The following LCORL variants were observed in gnomAD, a reference collection of about 807,000 sequenced individuals.
LCORL encodes the protein ligand-dependent nuclear receptor corepressor-like protein.
Under a neutral mutation model 141.8 loss-of-function variants are expected in LCORL, and 41 were observed. The observed-to-expected ratio is 0.29, with a 90% CI of 0.23 to 0.38. LCORL has a LOEUF of 0.38. Ranked by LOEUF, LCORL falls within the 10% of genes least tolerant of loss-of-function variation. LCORL has a pLI of 1.00. For synonymous variants in LCORL, 618 were observed against 694.1 expected, an observed-to-expected ratio of 0.89 and a Z score of 1.72; for missense variants, 1,759 against 2,035.0, an observed-to-expected ratio of 0.86 and a Z score of 2.61.
At chr4:17,943,005 C>A (rs1363068390) in intron 4 of LCORL, among the ~76,000 whole-genome samples, 4 of 152,180 alleles carry the variant, frequency 2.6e-5, no homozygotes, top group Non-Finnish European at 5.9e-5. Flanking sequence ...GCCTGATGAT[C>A]TGAGGTGTAA....
At chr4:17,882,985 T>C in intron 6 of LCORL, 1 of 941,382 alleles carries the variant, frequency 1.1e-6, no homozygotes. Flanking sequence ...TACTCCATCT[T>C]ATTATATTAA....
At chr4:17,977,139 T>C (rs1288207287) in intron 1 of LCORL, among the ~76,000 whole-genome samples, 1 of 152,176 alleles carries the variant, frequency 6.6e-6, no homozygotes, top group Non-Finnish European at 1.5e-5. Flanking sequence ...TTTCTCTGTA[T>C]TGTTGCTGGT....
chr4:18,015,262 A>C (rs1724463262), intron 1 of LCORL, among the ~76,000 whole-genome samples: 2 of 152,200 alleles, frequency 1.3e-5, no homozygotes, highest in Non-Finnish European at 2.9e-5. Flanking sequence ...CCATGTAGCC[A>C]AACAAGGGAT....
intron 5 of LCORL, among the ~76,000 whole-genome samples, chr4:17,905,245 G>A (rs1464764505): frequency 1.3e-5 from 2 of 151,998 alleles, no homozygotes; most frequent in Non-Finnish European, 2.9e-5. Flanking sequence ...GGTAGTGGAA[G>A]TGCCCATCTA....
chr4:17,996,408 GAC>G (rs1342727238), intron 1 of LCORL, among the ~76,000 whole-genome samples: 7 of 151,958 alleles, frequency 4.6e-5, no homozygotes, highest in Non-Finnish European at 7.4e-5. Flanking sequence ...AAAATAATCA[GAC>G]ACAGAAAAAC....
intron 7 of LCORL, chr4:17,866,885 G>A: frequency 7.9e-5 from 38 of 482,282 alleles, no homozygotes; most frequent in Non-Finnish European, 1.0e-4. Context: ...AGGAGAAAGA[G>A]AACATTTAGA....
chr4:18,010,391 T>C (rs1470688949), intron 1 of LCORL, among the ~76,000 whole-genome samples: 2 of 143,422 alleles, frequency 1.4e-5, no homozygotes, highest in East Asian at 3.9e-4. Context: ...TATATATGTG[T>C]GTGTGTCTGT....
intron 4 of LCORL, among the ~76,000 whole-genome samples, chr4:17,944,582 T>C (rs1313701276): frequency 3.9e-5 from 6 of 152,118 alleles, no homozygotes; most frequent in Admixed American, 6.6e-5. Flanking sequence ...GAGCACTTCC[T>C]TACTTTCTGG....
At chr4:17,902,778 T>C (rs546466988) in intron 5 of LCORL, among the ~76,000 whole-genome samples, 1 of 152,144 alleles carries the variant, frequency 6.6e-6, no homozygotes, top group East Asian at 1.9e-4. Context: ...GCCTACTTAG[T>C]ATTAGTCCTA....
rs538915220 is a variant in LCORL at position 17,954,200 on chromosome 4, C to T, written c.430+7703G>A. Among the ~76,000 whole-genome samples, 5 of 151,838 alleles carry T rather than the reference C, an allele frequency of 3.3e-5. No individual in the cohort carries two copies. In the South Asian group the frequency reaches 8.4e-4, roughly 25 times the overall value. On this transcript the variant is annotated intron_variant, in intron 4 of 7. Coordinates refer to ENST00000635767, the Ensembl canonical transcript of LCORL. The stretch of plus-strand genomic sequence containing the variant: ...ACAAAAACAAACAAATAAACAAAAA[C>T]GTGAAAGAGTGACTGAGATGAATTA...
chr4:17,917,789 G>C (rs1255753486), intron 4 of LCORL, among the ~76,000 whole-genome samples: 1 of 151,998 alleles, frequency 6.6e-6, no homozygotes, highest in Non-Finnish European at 1.5e-5. Context: ...AAGAACTCTG[G>C]GAATTAACCA....
intron 4 of LCORL, among the ~76,000 whole-genome samples, chr4:17,937,347 T>C (rs1303352316): frequency 6.6e-6 from 1 of 152,174 alleles, no homozygotes; most frequent in Non-Finnish European, 1.5e-5. Flanking sequence ...GCAGTGTCCA[T>C]TAATAAAAAG....
intron 4 of LCORL, among the ~76,000 whole-genome samples, chr4:17,950,233 T>A (rs1461456374): frequency 6.6e-6 from 1 of 152,184 alleles, no homozygotes; most frequent in Non-Finnish European, 1.5e-5. Context: ...GTATTCATGA[T>A]GTTGTACAGA....
At chr4:17,961,244 C>T (rs1222397018) in intron 4 of LCORL, among the ~76,000 whole-genome samples, 2 of 151,942 alleles carry the variant, frequency 1.3e-5, no homozygotes, top group East Asian at 3.9e-4. Context: ...TGGGAACAGC[C>T]AAGAACAAAA....
chr4:17,938,417 C>CTTTT (rs71651867), intron 4 of LCORL, among the ~76,000 whole-genome samples: 1 of 123,472 alleles, frequency 8.1e-6, no homozygotes, highest in Non-Finnish European at 1.8e-5. Flanking sequence ...CTGTTTCTTT[C>CTTTT]TTTTTTTTTT....
At chr4:17,877,676 G>T (rs1727064454) in exon 7 of LCORL, 2 of 1,229,612 alleles carry the variant, frequency 1.6e-6, no homozygotes, top group Non-Finnish European at 2.0e-6. Context: ...GTGGGGGTGA[G>T]GGACTTCGAG....
At chr4:17,974,866 G>T (rs1390351647) in intron 1 of LCORL, among the ~76,000 whole-genome samples, 1 of 152,078 alleles carries the variant, frequency 6.6e-6, no homozygotes, top group African/African-American at 2.4e-5. Context: ...TGGCAAAAAA[G>T]TTGCTCAAAA....
chr4:17,850,496 A>C (rs980237034), intron 7 of LCORL, among the ~76,000 whole-genome samples: 16 of 152,250 alleles, frequency 1.1e-4, no homozygotes, highest in Non-Finnish European at 2.1e-4. Context: ...TCAAAAGAAG[A>C]GATTTATGCA....
At chr4:17,866,328 C>T (rs1725649025) in intron 7 of LCORL, among the ~76,000 whole-genome samples, 1 of 152,120 alleles carries the variant, frequency 6.6e-6, no homozygotes. Flanking sequence ...CCTATAGCAC[C>T]ACATACTGAG....
Sources: gnomAD v4.1 joint callset for allele counts (sites outside exome capture counted in the v4.1 genomes callset) on GRCh38, gnomAD v4.1.1 for gene constraint, MANE v1.5 for transcripts, NCBI Gene and HGNC (gene_info 2026-07-23, HGNC 2026-07-21) for gene names.